DMD: variants seen among roughly 807,000 people sequenced by gnomAD.
DMD encodes the protein mutant dystrophin.
A neutral mutation model predicts 330.1 loss-of-function variants in DMD; 63 were observed. The observed-to-expected ratio is 0.19, with a 90% confidence interval of 0.16 to 0.24. The LOEUF (loss-of-function observed/expected upper bound fraction) is 0.24. Among genes scored for constraint, DMD ranks in the 10% least tolerant of loss-of-function variants. DMD has a pLI of 1.00. For missense variants in DMD, 3,344 were observed against 2,684.1 expected (o/e 1.25, Z -5.43); for synonymous variants, 1,223 against 959.8 (o/e 1.27, Z -5.07).
At chrX:31,246,033 C>T (rs1023287212) in intron 63 of DMD, among the ~76,000 whole-genome samples, 1 of 112,142 alleles carries the variant, frequency 8.9e-6, no homozygotes, top group Non-Finnish European at 1.9e-5. Context: ...TCATGCCAAA[C>T]AGTCAAGTTG....
intron 41 of DMD, among the ~76,000 whole-genome samples, chrX:32,335,220 G>A (rs1360984411): frequency 9.3e-6 from 1 of 107,415 alleles, no homozygotes; most frequent in Non-Finnish European, 1.9e-5. Context: ...TTTTTTTCTT[G>A]AGGCGGGGTC....
chrX:32,629,222 T>C (rs12559876), intron 11 of DMD, among the ~76,000 whole-genome samples: 38,311 of 110,886 alleles, frequency 0.35, 8,656 homozygotes, highest in African/African-American at 0.84. Context: ...TTATTTACAA[T>C]TGTTATGTCC....
intron 2 of DMD, among the ~76,000 whole-genome samples, chrX:32,889,547 CAA>C (rs774798837): frequency 3.8e-4 from 42 of 111,027 alleles, no homozygotes; most frequent in African/African-American, 1.2e-3. Flanking sequence ...TGAAGATCCA[CAA>C]AAGAGTGAAA....
Position 31,426,049 on chromosome X carries a change from G to C in DMD, c.9084+18432C>G, listed in dbSNP as rs183202181. On this transcript the variant is annotated intron_variant, in intron 60 of 78. Coordinates refer to ENST00000357033, the MANE Select transcript of DMD (RefSeq NM_004006.3). ...GCATCAGAAACGCTGGGAGCAGCCT[G>C]CCAGCCTGTAGTTTAACAAGCCCCC... Among the ~76,000 whole-genome samples, 1,076 of 111,646 alleles carry C rather than the reference G, an allele frequency of 9.6e-3. 2 individuals are homozygous for C. Among genetic ancestry groups the C allele is most frequent in the South Asian group, 0.024 (64 of 2,624 alleles).
intron 1 of DMD, among the ~76,000 whole-genome samples, chrX:33,266,685 C>T (rs933141243): frequency 6.3e-5 from 7 of 110,955 alleles, no homozygotes; most frequent in African/African-American, 1.6e-4. Flanking sequence ...TTTTTAATTG[C>T]GAAGAAACAT....
At chrX:33,285,051 G>A (rs777596779) in intron 1 of DMD, among the ~76,000 whole-genome samples, 2 of 111,056 alleles carry the variant, frequency 1.8e-5, no homozygotes, top group Non-Finnish European at 3.8e-5. Context: ...TTTGGTTCAC[G>A]TAAGGACCTA....
chrX:31,896,936 T>C (rs749529651), intron 47 of DMD, among the ~76,000 whole-genome samples: 16 of 111,191 alleles, frequency 1.4e-4, no homozygotes, highest in Non-Finnish European at 2.6e-4. Flanking sequence ...TCTTTTATTA[T>C]TGTACTTTAA....
intron 48 of DMD, among the ~76,000 whole-genome samples, chrX:31,871,653 C>T (rs1481478995): frequency 1.8e-5 from 2 of 108,719 alleles, no homozygotes; most frequent in Non-Finnish European, 3.8e-5. Context: ...CGTGGCTGTT[C>T]GTATATCTAC....
intron 54 of DMD, among the ~76,000 whole-genome samples, 198 bp downstream of exon 54, chrX:31,657,792 G>C (rs189300467): frequency 9.0e-6 from 1 of 111,236 alleles, no homozygotes; most frequent in Non-Finnish European, 1.9e-5. Context: ...TTGTGACAGC[G>C]GGCAAATGAG....
intron 60 of DMD, among the ~76,000 whole-genome samples, chrX:31,396,294 C>T (rs1379563360): frequency 1.8e-5 from 2 of 110,472 alleles, no homozygotes; most frequent in Non-Finnish European, 3.8e-5. Flanking sequence ...CCCGCAACCA[C>T]GCCCGGCTAA....
chrX:33,247,250 G>A lies in DMD; in HGVS notation c.7+92009C>T, dbSNP rs191908682. ...TGATAAACTAACCAAAATCCTATCC[G>A]TCACATCCATTACAAGCATTACAAT... On this transcript the variant is annotated intron_variant, in intron 1 of 17. Coordinates refer to the DMD transcript ENST00000288447. 3.6e-5 allele frequency among the ~76,000 whole-genome samples: 4 copies of A among 111,056 alleles called. No individual in the cohort carries two copies. In the East Asian group the frequency reaches 8.5e-4, roughly 24 times the overall value.
Position 32,364,707 on chromosome X carries a change from A to G in DMD, c.5029T>C (p.Tyr1677His), listed in dbSNP as rs748979320. Residue 1677 changes from tyrosine (Y) to histidine (H), a missense_variant, in exon 36 of 79, where the codon TAC (tyrosine) becomes CAC (histidine). Transcript: ENST00000357033. Reference protein sequence around the residue: ...AEEWLNLLLEYQKHMETFDQN... With the variant: ...AEEWLNLLLEHQKHMETFDQN... ...TCAAAAGTTTCCATGTGTTTCTGGT[A>G]TTCCTTAATTGTACAGAGACATACC... is the stretch of plus-strand genomic sequence containing the variant. The G allele has an allele frequency of 3.3e-6, 4 of 1,206,512 alleles. No individual in the cohort carries two copies. The highest frequency in any genetic ancestry group is 2.2e-6 in the Non-Finnish European group (2 of 892,439).
intron 2 of DMD, among the ~76,000 whole-genome samples, chrX:32,979,344 CTGT>C (rs770763839): frequency 8.9e-6 from 1 of 111,989 alleles, no homozygotes; most frequent in South Asian, 3.7e-4. Context: ...ACATGACCTA[CTGT>C]TGTTACCAAA....
chrX:33,193,042 C>T (rs1170820133), intron 1 of DMD, among the ~76,000 whole-genome samples: 1 of 112,031 alleles, frequency 8.9e-6, no homozygotes, highest in Admixed American at 9.5e-5. Context: ...TGTGGTGGCT[C>T]ACACCTATAA....
At chrX:32,365,643 C>T (rs777351059) in intron 34 of DMD, among the ~76,000 whole-genome samples, 2 of 111,189 alleles carry the variant, frequency 1.8e-5, no homozygotes, top group South Asian at 3.7e-4. Context: ...AGCTTAAAAA[C>T]CCATTCTCAT....
intron 60 of DMD, among the ~76,000 whole-genome samples, chrX:31,429,086 C>G (rs1437119190): frequency 1.9e-5 from 2 of 106,820 alleles, no homozygotes; most frequent in African/African-American, 7.0e-5. Flanking sequence ...CATGCCACTG[C>G]ACTCCAGCCT....
chrX:31,184,894 C>G (rs1190629187), intron 67 of DMD, among the ~76,000 whole-genome samples: 4 of 90,989 alleles, frequency 4.4e-5, no homozygotes, highest in South Asian at 1.2e-3. Context: ...TGTTCTCACT[C>G]ATAGGTGGGA....
chrX:32,506,404 C>A (rs1603635069), intron 18 of DMD, among the ~76,000 whole-genome samples: 3 of 68,169 alleles, frequency 4.4e-5, no homozygotes, highest in Non-Finnish European at 5.3e-5. Context: ...GATTCAATAT[C>A]AAGAGTACAA....
chrX:31,724,146 C>G (rs955433200), intron 52 of DMD, among the ~76,000 whole-genome samples: 1 of 112,175 alleles, frequency 8.9e-6, no homozygotes, highest in Non-Finnish European at 1.9e-5. Flanking sequence ...ACAGCAGGTG[C>G]TAGATGTCAA....
Sources: gnomAD v4.1 joint callset for allele counts (sites outside exome capture counted in the v4.1 genomes callset) on GRCh38, gnomAD v4.1.1 for gene constraint, MANE v1.5 for transcripts, NCBI Gene and HGNC (gene_info 2026-07-23, HGNC 2026-07-21) for gene names.